Variants in BCAP31 observed in about 807,000 individuals in gnomAD.
BCAP31 encodes the protein B cell receptor associated protein 31.
For synonymous variants in BCAP31, 75 were observed against 80.9 expected (o/e 0.93, Z 0.39); for missense variants, 124 against 193.0 (o/e 0.64, Z 2.12).
Position 153,702,064 on chromosome X carries a change from C to G in BCAP31, c.645G>C (p.Gln215His). Reference protein sequence around the residue: ...AENQVLAMRKQSEGLTKEYDR... With the variant: ...AENQVLAMRKHSEGLTKEYDR... ...CGTACTCCTTGGTGAGGCCCTCAGA[C>G]TGCTTCCGCATGGCCAGAACCTGGT... The change falls in exon 7 of 8, where the codon CAG becomes CAC. Residue 215 changes from glutamine (Q) to histidine (H), a missense_variant. Gln to His is a conservative substitution (Grantham distance 24). Transcript: ENST00000345046. The G allele has an allele frequency of 1.7e-6, 2 of 1,211,782 alleles. No individual in the cohort carries two copies. Among genetic ancestry groups the G allele is most frequent in the Non-Finnish European group, 2.2e-6 (2 of 895,221 alleles).
intron 4 of BCAP31, among the ~76,000 whole-genome samples, chrX:153,709,590 C>T (rs1463242843): frequency 8.9e-6 from 1 of 112,543 alleles, no homozygotes; most frequent in Admixed American, 9.4e-5. Flanking sequence ...GGAACAGGAG[C>T]GACTGCCGGA....
At chrX:153,715,377 G>A in intron 4 of BCAP31, 165 bp downstream of exon 4, 1 of 788,807 alleles carries the variant, frequency 1.3e-6, no homozygotes, top group Non-Finnish European at 1.8e-6. Flanking sequence ...TGGAGGTCAG[G>A]AGAAAACTAT....
At chrX:153,721,163 C>T (rs1557050974) in intron 2 of BCAP31, 191 bp from the exon 3 acceptor site, 2 of 412,152 alleles carry the variant, frequency 4.9e-6, no homozygotes, top group African/African-American at 5.0e-5. Context: ...AGGCCAGGTG[C>T]AATGGCTCAC....
In BCAP31 at chrX:153,719,613, C is replaced by G. The variant is rs782193258; in HGVS notation, c.193+1259G>C. 9.9e-5 allele frequency among the ~76,000 whole-genome samples: 11 copies of G among 110,941 alleles called. No individual in the cohort carries two copies. In the East Asian group the frequency reaches 2.0e-3, roughly 20 times the overall value. On this transcript the variant is annotated intron_variant, in intron 3 of 7. Transcript: ENST00000345046. ...CACATTCCCCTGAACCACAGCCCCC[C>G]ACCCGCTCAGTGTTTCTGCTGGGAC...
At chrX:153,705,100 G>GC in intron 4 of BCAP31, 1 of 112,903 alleles carries the variant, frequency 8.9e-6, no homozygotes, top group African/African-American at 3.2e-5. Flanking sequence ...GTCACACAGG[G>GC]CCTGGGGGAA....
In BCAP31 at chrX:153,724,326, C is replaced by G. The variant is rs1263384128; in HGVS notation, c.-45+8G>C. 1 of 156,950 alleles carries G rather than the reference C, an allele frequency of 6.4e-6. No homozygotes were observed. Among genetic ancestry groups the G allele is most frequent in the African/African-American group, 3.2e-5 (1 of 31,191 alleles). 12.9% of individuals were successfully genotyped at this position (156,950 alleles called of 1,213,427 possible). ...CGGAGCCCAGCCCGGCGCGCGGAGCCCGCTCACCGAGTTTCCCACAGTCAA... is the reference window on the plus strand; with the variant it reads ...CGGAGCCCAGCCCGGCGCGCGGAGCGCGCTCACCGAGTTTCCCACAGTCAA... On this transcript the variant is annotated splice_region_variant and intron_variant, in intron 1 of 7. Transcript: ENST00000345046.
chrX:153,706,055 C>A (rs2091552470), intron 4 of BCAP31, among the ~76,000 whole-genome samples: 1 of 111,944 alleles, frequency 8.9e-6, no homozygotes, highest in African/African-American at 3.2e-5. Flanking sequence ...GCAAGATCCA[C>A]GCTGTGTGTG....
At chrX:153,716,660 T>G (rs2091631159) in intron 3 of BCAP31, among the ~76,000 whole-genome samples, 1 of 110,224 alleles carries the variant, frequency 9.1e-6, no homozygotes. Flanking sequence ...CTCGGGAGGC[T>G]GAGACAGGAA....
Position 153,715,570 on chromosome X carries a change from T to C in BCAP31, c.313A>G (p.Ile105Val), listed in dbSNP as rs373891883. The change falls in exon 4 of 8, where the codon ATT becomes GTT. Residue 105 changes from isoleucine to valine, a missense_variant. Coordinates refer to ENST00000345046, the MANE Select transcript of BCAP31 (RefSeq NM_001256447.2). ...KLFRAQRNLYIAGFSLLLSFL... is the reference protein window; with the variant it reads ...KLFRAQRNLYVAGFSLLLSFL... ...GACAGCAGCAAGGAAAAGCCAGCAA[T>C]GTAGAGATTCCTCTGGGCACGGAAA... 36 of 1,209,473 alleles carry C rather than the reference T, an allele frequency of 3.0e-5. No individual in the cohort carries two copies. Among genetic ancestry groups the C allele is most frequent in the Non-Finnish European group, 3.6e-5 (32 of 895,064 alleles).
At chrX:153,703,924 G>A (rs782729305) in intron 5 of BCAP31, 35 bp downstream of exon 5, 1 of 1,204,967 alleles carries the variant, frequency 8.3e-7, no homozygotes, top group East Asian at 3.0e-5. Context: ...TGTAACACCA[G>A]GACGCCCCAT....
chrX:153,712,390 G>C (rs1372171559), intron 4 of BCAP31, among the ~76,000 whole-genome samples: 1 of 98,107 alleles, frequency 1.0e-5, no homozygotes, highest in Non-Finnish European at 2.0e-5. Context: ...GTGATGGAGC[G>C]AGACCTTGTC....
At chrX:153,719,724 T>A (rs1329314819) in intron 3 of BCAP31, among the ~76,000 whole-genome samples, 2 of 111,326 alleles carry the variant, frequency 1.8e-5, no homozygotes, top group Admixed American at 1.9e-4. Flanking sequence ...GCCAATACTT[T>A]GGAGCCCAAA....
At chrX:153,701,783 G>T (rs1557047377) in intron 7 of BCAP31, among the ~76,000 whole-genome samples, 1 of 113,192 alleles carries the variant, frequency 8.8e-6, no homozygotes, top group East Asian at 2.8e-4. Context: ...TAGTGAGCCA[G>T]TGCCACTCCT....
At chrX:153,704,152 G>A in intron 4 of BCAP31, 58 bp from the exon 5 acceptor site, 3 of 1,144,690 alleles carry the variant, frequency 2.6e-6, no homozygotes, top group Non-Finnish European at 2.3e-6. Flanking sequence ...AGGGCTGGCA[G>A]GAGCACCTCC....
chrX:153,709,478 A>G lies in BCAP31; in HGVS notation c.342-5384T>C, dbSNP rs1222969076. On this transcript the variant is annotated intron_variant, in intron 4 of 7. Coordinates refer to ENST00000345046, the MANE Select transcript of BCAP31 (RefSeq NM_001256447.2). ...AGAAGGCAGTGCAGGTCCTCTGAAC[A>G]CACAAACCCCAGCCCAGAGGGAGCT... Among the ~76,000 whole-genome samples the G allele has an allele frequency of 2.7e-5, 3 of 112,150 alleles. 1 individual carries two copies. The highest frequency in any genetic ancestry group is 5.6e-5 in the Non-Finnish European group (3 of 53,126).
chrX:153,711,473 C>T (rs781971481), intron 4 of BCAP31, among the ~76,000 whole-genome samples: 5 of 112,493 alleles, frequency 4.4e-5, no homozygotes, highest in African/African-American at 9.7e-5. Flanking sequence ...CTCTCTACCA[C>T]GCAGAAAAGT....
At chrX:153,709,066 A>G (rs2091572923) in intron 4 of BCAP31, among the ~76,000 whole-genome samples, 1 of 111,954 alleles carries the variant, frequency 8.9e-6, no homozygotes, top group Non-Finnish European at 1.9e-5. Context: ...CTTGAGAACA[A>G]GTGACACAGA....
At chrX:153,715,945 G>A (rs1320342971) in intron 3 of BCAP31, among the ~76,000 whole-genome samples, 4 of 108,220 alleles carry the variant, frequency 3.7e-5, no homozygotes, top group Non-Finnish European at 1.9e-5. Context: ...ATCACCTGAG[G>A]TCAGGAGTTC....
At position 153,710,045 on chromosome X, in the gene BCAP31, A is replaced by G; in HGVS notation, c.341+5497T>C. Among the ~76,000 whole-genome samples the G allele has an allele frequency of 2.7e-5, 3 of 112,549 alleles. No individual in the cohort carries two copies. In the East Asian group the frequency reaches 8.4e-4, roughly 32 times the overall value. ...AAGAGGAGGTGCCGGCTGGGCCGGCAGCTGGAGGGGGTGTTCCGCACAGAG... is the reference window on the plus strand; with the variant it reads ...AAGAGGAGGTGCCGGCTGGGCCGGCGGCTGGAGGGGGTGTTCCGCACAGAG... On this transcript the variant is annotated intron_variant, in intron 4 of 7. Transcript: ENST00000345046.
Sources: allele counts gnomAD v4.1 joint callset (sites outside exome capture counted in the v4.1 genomes callset), GRCh38; gene constraint gnomAD v4.1.1; transcripts MANE v1.5; gene names NCBI Gene and HGNC (gene_info 2026-07-23, HGNC 2026-07-21).